TEX9: variants seen among roughly 807,000 people sequenced by gnomAD.
The protein encoded by TEX9 is testis-expressed protein 9.
In TEX9, 74 loss-of-function variants were observed where a neutral mutation model predicts 59.6. The ratio of observed to expected loss-of-function variants is 1.24; its 90% CI spans 1.03 to 1.51. The LOEUF (loss-of-function observed/expected upper bound fraction) is 1.51. Ranked by LOEUF, TEX9 falls within the 40% of genes most tolerant of loss-of-function variation. TEX9 has a pLI of 0.00. For missense variants in TEX9, 522 were observed against 447.8 expected (o/e 1.17, Z -1.49); for synonymous variants, 186 against 152.2 (o/e 1.22, Z -1.64).
At chr15:56,431,581 A>G (rs2050597784) in intron 12 of TEX9, 18 of 1,362,750 alleles carry the variant, frequency 1.3e-5, no homozygotes, top group South Asian at 7.7e-5. Context: ...CATGCAATGA[A>G]TTAGATAAAA....
chr15:56,309,012 A>G (rs2045544470), intron 1 of TEX9, among the ~76,000 whole-genome samples: 1 of 152,122 alleles, frequency 6.6e-6, no homozygotes, highest in Non-Finnish European at 1.5e-5. Flanking sequence ...TTTCAAGATT[A>G]TTTTGATTAT....
chr15:56,422,365 A>G (rs62022133), intron 10 of TEX9, among the ~76,000 whole-genome samples: 52,963 of 151,502 alleles, frequency 0.35, 10,685 homozygotes, highest in Non-Finnish European at 0.45. Flanking sequence ...GATTAACTCT[A>G]TTAGCTAGCT....
chr15:56,405,216 ATGGCG>A (rs2049016195), intron 9 of TEX9, among the ~76,000 whole-genome samples: 1 of 151,534 alleles, frequency 6.6e-6, no homozygotes, highest in South Asian at 2.1e-4. Context: ...AGGCAGGAGA[ATGGCG>A]TGGCGTGAAA....
chr15:56,352,252 C>CT (rs370510229), intron 1 of TEX9, among the ~76,000 whole-genome samples: 47 of 151,320 alleles, frequency 3.1e-4, no homozygotes, highest in African/African-American at 8.7e-4. Context: ...TAATTGCCGT[C>CT]TTCTTTTTTT....
chr15:56,449,337 T>C (rs779220345), downstream of TEX9, among the ~76,000 whole-genome samples: 7 of 152,110 alleles, frequency 4.6e-5, no homozygotes, highest in East Asian at 1.9e-4. Flanking sequence ...TATTAAATCA[T>C]AGAGTGATGA....
At chr15:56,454,774 G>T in the TEX9 span, among the ~76,000 whole-genome samples, 33 of 152,040 alleles carry the variant, frequency 2.2e-4, no homozygotes, top group African/African-American at 7.7e-4. Flanking sequence ...ACCATAGCCC[G>T]TATCTCTTTT....
rs189993693 is a variant in TEX9 at position 56,274,060 on chromosome 15, T to C, written c.-107+29782T>C. On this transcript the variant is annotated intron_variant, in intron 1 of 5. Transcript: ENST00000560827. ...ATTTATTTGGTTTCTTTCTTTTCTCTGTCATTTCCACCCCCAACCACACCC... is the reference window on the plus strand; with the variant it reads ...ATTTATTTGGTTTCTTTCTTTTCTCCGTCATTTCCACCCCCAACCACACCC... Among the ~76,000 whole-genome samples the C allele has an allele frequency of 2.9e-3, 439 of 152,284 alleles. 3 individuals are homozygous for C. Among genetic ancestry groups the C allele is most frequent in the African/African-American group, 0.01 (424 of 41,566 alleles).
At chr15:56,441,297 T>C (rs1187092903) in intron 12 of TEX9, among the ~76,000 whole-genome samples, 2 of 152,158 alleles carry the variant, frequency 1.3e-5, no homozygotes, top group East Asian at 1.9e-4. Flanking sequence ...ACTTCCTTTA[T>C]GTCCTAGAAT....
chr15:56,438,480 T>C (rs2050765860), intron 12 of TEX9, among the ~76,000 whole-genome samples: 1 of 152,124 alleles, frequency 6.6e-6, no homozygotes, highest in Admixed American at 6.6e-5. Context: ...TTACACCTTA[T>C]ACAAAAATTA....
intron 1 of TEX9, among the ~76,000 whole-genome samples, chr15:56,339,681 C>CG (rs1175011878): frequency 6.6e-6 from 1 of 152,034 alleles, no homozygotes; most frequent in African/African-American, 2.4e-5. Context: ...TACGTCCCCC[C>CG]GCCAATTTAT....
At chr15:56,265,430 C>CCTAA in intron 1 of TEX9, among the ~76,000 whole-genome samples, 1 of 152,116 alleles carries the variant, frequency 6.6e-6, no homozygotes, top group South Asian at 2.1e-4. Context: ...GCCTTGGCCT[C>CCTAA]CTAAAGTGAT....
At chr15:56,374,599 A>G (rs1596136762) in intron 3 of TEX9, 1 of 152,252 alleles carries the variant, frequency 6.6e-6, no homozygotes, top group East Asian at 1.9e-4. Context: ...GATTTTGACT[A>G]TAATAAACAT....
chr15:56,406,056 T>G (rs2049060430), intron 9 of TEX9, among the ~76,000 whole-genome samples: 1 of 152,182 alleles, frequency 6.6e-6, no homozygotes, highest in Admixed American at 6.5e-5. Context: ...ATCAAGATAA[T>G]GAAAATTTAT....
chr15:56,275,080 C>G (rs1234472118), intron 1 of TEX9, among the ~76,000 whole-genome samples: 2 of 152,122 alleles, frequency 1.3e-5, no homozygotes, highest in South Asian at 2.1e-4. Flanking sequence ...TTCAGTAGAT[C>G]CTATGTCCCT....
chr15:56,431,449 A>G, intron 12 of TEX9: 1 of 1,613,760 alleles, frequency 6.2e-7, no homozygotes, highest in Non-Finnish European at 8.5e-7. Flanking sequence ...AATTGCATTA[A>G]TAAATCCTTG....
rs553653576 is a variant in TEX9 at position 56,428,320 on chromosome 15, C to G, written c.1099-47C>G. The G allele has an allele frequency of 3.6e-6, 5 of 1,389,250 alleles. No individual in the cohort carries two copies. The East Asian group carries it at 1.1e-4, about 32-fold the overall frequency. The allele number at this position is 1,389,250 out of a possible 1,614,324, so 86.1% of individuals were successfully genotyped here. On this transcript the variant is annotated intron_variant, in intron 11 of 12. Coordinates refer to ENST00000352903, the Ensembl canonical transcript of TEX9. ...TTACAAACTTCCTGTTGTTTGGTGGCCTACTCTTAATACTAAATCAGACAA... is the reference window on the plus strand; with the variant it reads ...TTACAAACTTCCTGTTGTTTGGTGGGCTACTCTTAATACTAAATCAGACAA...
chr15:56,364,472 T>TC (rs2046857161), upstream of TEX9, among the ~76,000 whole-genome samples: 1 of 151,366 alleles, frequency 6.6e-6, no homozygotes, highest in African/African-American at 2.4e-5. Context: ...TTTTCTTTTT[T>TC]TTTTTTTTTG....
At chr15:56,391,825 T>C (rs907296443) in intron 7 of TEX9, among the ~76,000 whole-genome samples, 4 of 152,198 alleles carry the variant, frequency 2.6e-5, no homozygotes, top group Non-Finnish European at 4.4e-5. Flanking sequence ...ATATATTTTA[T>C]TTATTGCATG....
chr15:56,309,693 G>GTTTATTTTTTTTT (rs1290352080), intron 1 of TEX9, among the ~76,000 whole-genome samples: 3 of 60,786 alleles, frequency 4.9e-5, no homozygotes, highest in Non-Finnish European at 8.4e-5. Context: ...TTTATGGGAA[G>GTTTATTTTTTTTT]TTTTTTTTTT....
Sources: gnomAD v4.1 joint callset for allele counts (sites outside exome capture counted in the v4.1 genomes callset) on GRCh38, gnomAD v4.1.1 for gene constraint, MANE v1.5 for transcripts, NCBI Gene and HGNC (gene_info 2026-07-23, HGNC 2026-07-21) for gene names.